The following ZMAT4 variants were observed in gnomAD, a reference collection of about 807,000 sequenced individuals.
The protein encoded by ZMAT4 is zinc finger matrin-type protein 4.
ZMAT4 carries 17 observed loss-of-function variants against 28.7 expected under a neutral mutation model. The ratio of observed to expected loss-of-function variants is 0.59; its 90% CI spans 0.41 to 0.89. ZMAT4 has a LOEUF of 0.89. Ranked by LOEUF, ZMAT4 falls within the 40% of genes least tolerant of loss-of-function variation. The probability of loss-of-function intolerance (pLI) is 0.00; values close to 1 mark genes in which losing one functional copy is unlikely to be tolerated. For missense variants in ZMAT4, 240 were observed against 283.8 expected (o/e 0.85, Z 1.11); for synonymous variants, 117 against 109.2 (o/e 1.07, Z -0.44).
intron 5 of ZMAT4, among the ~76,000 whole-genome samples, chr8:40,624,777 C>G (rs1330882844): frequency 1.3e-5 from 2 of 152,112 alleles, no homozygotes; most frequent in Non-Finnish European, 2.9e-5. Flanking sequence ...GCTGGTCAAG[C>G]CTAGTTTTCA....
At chr8:40,766,253 T>C (rs1813154801) in intron 3 of ZMAT4, among the ~76,000 whole-genome samples, 1 of 152,252 alleles carries the variant, frequency 6.6e-6, no homozygotes, top group African/African-American at 2.4e-5. Context: ...ATAGCTACTC[T>C]TTATACAATG....
chr8:40,728,623 T>C (rs1461591987), intron 3 of ZMAT4, among the ~76,000 whole-genome samples: 1 of 152,208 alleles, frequency 6.6e-6, no homozygotes, highest in Non-Finnish European at 1.5e-5. Flanking sequence ...AAATTGCCTC[T>C]GGTTGAGAAC....
At chr8:40,692,523 A>G (rs891542928) in intron 4 of ZMAT4, among the ~76,000 whole-genome samples, 1 of 152,198 alleles carries the variant, frequency 6.6e-6, no homozygotes, top group Non-Finnish European at 1.5e-5. Context: ...GTTCGTGCAA[A>G]GTCTAACGCA....
chr8:40,712,670 C>T (rs1420317526), intron 3 of ZMAT4, among the ~76,000 whole-genome samples: 5 of 152,168 alleles, frequency 3.3e-5, no homozygotes, highest in East Asian at 1.9e-4. Flanking sequence ...GCTCCAATAG[C>T]GCCATATCCT....
At chr8:40,607,117 C>CTTTTT (rs71544299) in intron 5 of ZMAT4, among the ~76,000 whole-genome samples, 101 of 65,700 alleles carry the variant, frequency 1.5e-3, no homozygotes, top group African/African-American at 1.8e-3. Flanking sequence ...TATCTTGTAT[C>CTTTTT]TTTTTTTTTT....
chr8:40,854,167 A>T (rs1817214415), intron 1 of ZMAT4, among the ~76,000 whole-genome samples: 1 of 152,150 alleles, frequency 6.6e-6, no homozygotes, highest in African/African-American at 2.4e-5. Flanking sequence ...AATACCAGAG[A>T]TCATATTTCA....
chr8:40,655,486 A>G (rs960294571), intron 5 of ZMAT4, among the ~76,000 whole-genome samples: 3 of 151,960 alleles, frequency 2.0e-5, no homozygotes. Flanking sequence ...AAAAAACCCA[A>G]AACACCAAAA....
chr8:40,570,261 AC>A (rs1354795592), intron 6 of ZMAT4, among the ~76,000 whole-genome samples: 1 of 152,122 alleles, frequency 6.6e-6, no homozygotes, highest in Non-Finnish European at 1.5e-5. Flanking sequence ...GTCCAAGAGA[AC>A]CTTTGGTGGT....
At chr8:40,720,826 C>G (rs544045432) in intron 3 of ZMAT4, among the ~76,000 whole-genome samples, 6 of 151,606 alleles carry the variant, frequency 4.0e-5, no homozygotes, top group African/African-American at 1.5e-4. Flanking sequence ...ATGCCCAGCC[C>G]GATAGACTCT....
intron 2 of ZMAT4, among the ~76,000 whole-genome samples, chr8:40,788,671 G>T (rs1470029370): frequency 6.6e-6 from 1 of 151,396 alleles, no homozygotes; most frequent in Non-Finnish European, 1.5e-5. Flanking sequence ...AACACCAATT[G>T]TACACCAACT....
In ZMAT4 at chr8:40,532,224, T is replaced by G. The variant is rs1802712558; in HGVS notation, c.689A>C (p.Ter230SerextTer1). ...SKHQTNLKNK[*>S] is the part of the protein sequence containing the mutation. Reference sequence around the variant, plus strand: ...CTTATGTCTTGATTGATGCTTTCACTACTTATTCTTCAGGCTATAAGACAG... The same window carrying G: ...CTTATGTCTTGATTGATGCTTTCACGACTTATTCTTCAGGCTATAAGACAG... The change falls in exon 7 of 7, where the codon TAG becomes TCG. Residue 230 changes from the stop codon to serine, a stop_lost. Coordinates refer to ENST00000297737, the MANE Select transcript of ZMAT4 (RefSeq NM_024645.3). 2 of 1,599,238 alleles carry G rather than the reference T, an allele frequency of 1.3e-6. No individual in the cohort carries two copies. Among genetic ancestry groups the G allele is most frequent in the Admixed American group, 3.5e-5 (2 of 57,962 alleles).
intron 6 of ZMAT4, among the ~76,000 whole-genome samples, chr8:40,556,656 A>T (rs1485338825): frequency 2.0e-5 from 3 of 152,178 alleles, no homozygotes; most frequent in African/African-American, 7.2e-5. Flanking sequence ...CACCTGCTGA[A>T]TTAAAATCAC....
intron 1 of ZMAT4, among the ~76,000 whole-genome samples, chr8:40,852,111 C>G (rs555864937): frequency 1.3e-5 from 2 of 152,210 alleles, no homozygotes; most frequent in African/African-American, 4.8e-5. Flanking sequence ...GTCTTGAACT[C>G]CTGACCTCAA....
chr8:40,543,210 G>A (rs1460859409), intron 6 of ZMAT4, among the ~76,000 whole-genome samples: 1 of 152,050 alleles, frequency 6.6e-6, no homozygotes. Context: ...AGCACATTCT[G>A]CAGACAGGGC....
intron 2 of ZMAT4, among the ~76,000 whole-genome samples, chr8:40,808,882 T>A (rs1208587715): frequency 1.3e-5 from 2 of 152,132 alleles, no homozygotes; most frequent in African/African-American, 4.8e-5. Context: ...CCGAACTCTT[T>A]CTATGTTGAG....
chr8:40,714,826 G>A (rs530724982), intron 3 of ZMAT4, among the ~76,000 whole-genome samples: 89 of 152,172 alleles, frequency 5.8e-4, no homozygotes, highest in South Asian at 4.4e-3. Context: ...CAAGGCTGGC[G>A]GATCATGAGG....
At chr8:40,644,089 G>A (rs921108541) in intron 5 of ZMAT4, among the ~76,000 whole-genome samples, 2 of 152,150 alleles carry the variant, frequency 1.3e-5, no homozygotes, top group South Asian at 4.1e-4. Flanking sequence ...GTAGAAAATA[G>A]GTTGAAGAGG....
At chr8:40,553,543 G>A (rs1803431015) in intron 6 of ZMAT4, among the ~76,000 whole-genome samples, 1 of 152,066 alleles carries the variant, frequency 6.6e-6, no homozygotes, top group Non-Finnish European at 1.5e-5. Flanking sequence ...TGTCTATCTG[G>A]GCAACAGGTG....
intron 6 of ZMAT4, among the ~76,000 whole-genome samples, chr8:40,543,338 G>A (rs930574615): frequency 6.6e-6 from 1 of 152,162 alleles, no homozygotes; most frequent in African/African-American, 2.4e-5. Context: ...GGGCATCCAG[G>A]TCTGGACGAA....
Sources: gnomAD v4.1 joint callset for allele counts (sites outside exome capture counted in the v4.1 genomes callset) on GRCh38, gnomAD v4.1.1 for gene constraint, MANE v1.5 for transcripts, NCBI Gene and HGNC (gene_info 2026-07-23, HGNC 2026-07-21) for gene names.